The following HCN1 variants were observed in gnomAD, a reference collection of about 807,000 sequenced individuals.
HCN1 encodes potassium/sodium hyperpolarization-activated cyclic nucleotide-gated channel 1.
A neutral mutation model predicts 78.9 loss-of-function variants in HCN1; 13 were observed. The observed-to-expected ratio is 0.16, with a 90% CI of 0.11 to 0.26. The LOEUF (loss-of-function observed/expected upper bound fraction) is 0.26, where lower values mean the gene tolerates loss of function less well. HCN1 is among the 10% of genes least tolerant of loss of function. HCN1 has a pLI of 1.00. For synonymous variants in HCN1, 552 were observed against 455.5 expected (o/e 1.21, Z -2.70); for missense variants, 810 against 1,154.3 (o/e 0.70, Z 4.32).
intron 3 of HCN1, among the ~76,000 whole-genome samples, chr5:45,425,687 C>A (rs746632626): frequency 6.6e-6 from 1 of 152,102 alleles, no homozygotes; most frequent in African/African-American, 2.4e-5. Context: ...TAATTCTATG[C>A]TACACATTTT....
At chr5:45,311,412 C>T (rs1745849550) in intron 5 of HCN1, among the ~76,000 whole-genome samples, 1 of 152,084 alleles carries the variant, frequency 6.6e-6, no homozygotes, top group Non-Finnish European at 1.5e-5. Flanking sequence ...TTTCTTCTTA[C>T]TTTTGCAATC....
At chr5:45,284,123 T>C (rs1469371716) in intron 6 of HCN1, among the ~76,000 whole-genome samples, 1 of 151,868 alleles carries the variant, frequency 6.6e-6, no homozygotes, top group Non-Finnish European at 1.5e-5. Context: ...AGGGAACAGA[T>C]ACTGGGGCCT....
chr5:45,475,204 T>C (rs1477516063), intron 2 of HCN1, among the ~76,000 whole-genome samples: 1 of 152,028 alleles, frequency 6.6e-6, no homozygotes, highest in African/African-American at 2.4e-5. Context: ...TGTTAATTTA[T>C]GGTTATTGTC....
intron 4 of HCN1, among the ~76,000 whole-genome samples, chr5:45,379,591 AT>A (rs1338265631): frequency 2.0e-5 from 3 of 152,114 alleles, no homozygotes; most frequent in Non-Finnish European, 4.4e-5. Flanking sequence ...ATTTTTATGA[AT>A]GTATTATGAA....
At chr5:45,371,766 AAT>A (rs1554020971) in intron 4 of HCN1, among the ~76,000 whole-genome samples, 1 of 140,738 alleles carries the variant, frequency 7.1e-6, no homozygotes, top group African/African-American at 2.7e-5. Flanking sequence ...CAAAAAAAAA[AAT>A]ATATATATAT....
At chr5:45,301,848 G>C (rs1433708875) in intron 6 of HCN1, among the ~76,000 whole-genome samples, 1 of 151,718 alleles carries the variant, frequency 6.6e-6, no homozygotes, top group Non-Finnish European at 1.5e-5. Flanking sequence ...ACAATAATGA[G>C]GATCAAAATA....
At chr5:45,502,166 C>G (rs1482250357) in intron 2 of HCN1, among the ~76,000 whole-genome samples, 2 of 151,950 alleles carry the variant, frequency 1.3e-5, no homozygotes, top group Non-Finnish European at 2.9e-5. Context: ...TATACTTTAT[C>G]CTTAACAATG....
At chr5:45,439,317 A>G (rs1274686692) in intron 3 of HCN1, among the ~76,000 whole-genome samples, 2 of 152,130 alleles carry the variant, frequency 1.3e-5, no homozygotes, top group African/African-American at 4.8e-5. Context: ...TTCCATATAC[A>G]TATTAGAGTG....
At chr5:45,515,915 C>A (rs1159274717) in intron 2 of HCN1, among the ~76,000 whole-genome samples, 1 of 151,888 alleles carries the variant, frequency 6.6e-6, no homozygotes, top group African/African-American at 2.4e-5. Flanking sequence ...ACCAAAAATG[C>A]CTCTTTCTTT....
intron 2 of HCN1, among the ~76,000 whole-genome samples, chr5:45,612,696 A>C (rs964511894): frequency 5.3e-5 from 8 of 152,174 alleles, no homozygotes; most frequent in Non-Finnish European, 1.0e-4. Flanking sequence ...TGAAGAGTAC[A>C]TGTCTCAAAG....
intron 2 of HCN1, among the ~76,000 whole-genome samples, chr5:45,584,623 C>A (rs557080087): frequency 5.3e-5 from 8 of 152,104 alleles, no homozygotes; most frequent in Non-Finnish European, 1.0e-4. Flanking sequence ...TCTTCCTAGC[C>A]TCGATGGTCT....
At chr5:45,478,949 C>T (rs372450866) in intron 2 of HCN1, among the ~76,000 whole-genome samples, 1 of 152,016 alleles carries the variant, frequency 6.6e-6, no homozygotes, top group East Asian at 1.9e-4. Flanking sequence ...TGGTTAAACC[C>T]GTGTCTCCTA....
At chr5:45,360,365 A>C (rs1747086438) in intron 4 of HCN1, among the ~76,000 whole-genome samples, 1 of 151,956 alleles carries the variant, frequency 6.6e-6, no homozygotes, top group Non-Finnish European at 1.5e-5. Context: ...TTTATGTTTA[A>C]ATAAATAATC....
intron 5 of HCN1, among the ~76,000 whole-genome samples, chr5:45,309,507 A>G (rs1202072130): frequency 2.0e-5 from 3 of 152,096 alleles, no homozygotes; most frequent in Non-Finnish European, 4.4e-5. Context: ...TGGGTTTGTC[A>G]TATATGGCTC....
At chr5:45,288,709 C>T (rs1232654932) in intron 6 of HCN1, among the ~76,000 whole-genome samples, 6 of 151,938 alleles carry the variant, frequency 3.9e-5, no homozygotes, top group Admixed American at 3.3e-4. Context: ...TGCTTAGGTT[C>T]CCTAGACATA....
intron 6 of HCN1, among the ~76,000 whole-genome samples, chr5:45,269,841 G>C (rs1183861137): frequency 6.6e-6 from 1 of 152,096 alleles, no homozygotes; most frequent in Non-Finnish European, 1.5e-5. Flanking sequence ...TCTTAACTAA[G>C]AGCCTGTTTA....
Position 45,274,277 on chromosome 5 carries a change from T to C in HCN1, c.1619-7024A>G, listed in dbSNP as rs16902082. On this transcript the variant is annotated intron_variant, in intron 6 of 7. Coordinates refer to ENST00000303230, the MANE Select transcript of HCN1 (RefSeq NM_021072.4). Reference sequence around the variant, plus strand: ...CTCTTCTACTACTCATGCCCTGTTATTTATGGTTATTTAGATCAAATAAAG... The same window carrying C: ...CTCTTCTACTACTCATGCCCTGTTACTTATGGTTATTTAGATCAAATAAAG... Among the ~76,000 whole-genome samples the C allele has an allele frequency of 4.6e-3, 702 of 152,254 alleles. 3 individuals carry two copies. The highest frequency in any genetic ancestry group is 0.016 in the African/African-American group (674 of 41,538).
chr5:45,686,525 AAC>A (rs1739812309), intron 1 of HCN1, among the ~76,000 whole-genome samples: 1 of 152,222 alleles, frequency 6.6e-6, no homozygotes, highest in Non-Finnish European at 1.5e-5. Flanking sequence ...CTTTATTTAA[AAC>A]AGTCAACTTG....
At position 45,629,708 on chromosome 5, in the gene HCN1, T is replaced by C. The variant is rs372988923; in HGVS notation, c.849+15477A>G. On this transcript the variant is annotated intron_variant, in intron 2 of 7. Transcript: ENST00000303230. ...CTCAAAATTTCAAGTCAGTAAGTTTTCCTTATAAAAAAATTACTCTTATTA... is the reference window on the plus strand; with the variant it reads ...CTCAAAATTTCAAGTCAGTAAGTTTCCCTTATAAAAAAATTACTCTTATTA... 3.2e-4 allele frequency among the ~76,000 whole-genome samples: 48 copies of C among 152,256 alleles called. 1 individual carries two copies. In the East Asian group the frequency reaches 7.1e-3, roughly 23 times the overall value.
Sources: gnomAD v4.1 joint callset for allele counts (sites outside exome capture counted in the v4.1 genomes callset) on GRCh38, gnomAD v4.1.1 for gene constraint, MANE v1.5 for transcripts, NCBI Gene and HGNC (gene_info 2026-07-23, HGNC 2026-07-21) for gene names.